Variants in ADGRL3 observed in about 807,000 individuals in gnomAD.
ADGRL3 encodes the protein calcium-independent alpha-latrotoxin receptor 3.
A neutral mutation model predicts 153.5 loss-of-function variants in ADGRL3; 62 were observed. The ratio of observed to expected loss-of-function variants is 0.40; its 90% CI spans 0.33 to 0.50. ADGRL3 has a LOEUF of 0.50. Ranked by LOEUF, ADGRL3 falls within the 20% of genes least tolerant of loss-of-function variation. ADGRL3 has a pLI of 0.47. For synonymous variants in ADGRL3, 710 were observed against 672.5 expected (o/e 1.06, Z -0.86); for missense variants, 1,641 against 1,859.4 (o/e 0.88, Z 2.16).
chr4:62,004,956 T>C (rs1043545668), intron 21 of ADGRL3, among the ~76,000 whole-genome samples: 4 of 151,310 alleles, frequency 2.6e-5, no homozygotes, highest in African/African-American at 9.7e-5. Context: ...CATAACAATA[T>C]CATAAGCAAT....
At chr4:61,419,683 A>T (rs373141217) in intron 2 of ADGRL3, among the ~76,000 whole-genome samples, 4 of 152,252 alleles carry the variant, frequency 2.6e-5, no homozygotes, top group Non-Finnish European at 4.4e-5. Context: ...ATTTGAGGAC[A>T]TGCTGTACGC....
chr4:61,614,076 C>T (rs2149724187), intron 5 of ADGRL3, among the ~76,000 whole-genome samples: 1 of 152,022 alleles, frequency 6.6e-6, no homozygotes, highest in African/African-American at 2.4e-5. Flanking sequence ...AAAGGAAATA[C>T]AATATCTATA....
chr4:61,259,696 G>A (rs945080143), intron 1 of ADGRL3, among the ~76,000 whole-genome samples: 7 of 152,104 alleles, frequency 4.6e-5, no homozygotes, highest in Non-Finnish European at 8.8e-5. Flanking sequence ...AAGGAGGAAA[G>A]CAGGAGTGTT....
chr4:61,913,951 T>C (rs114709469), intron 13 of ADGRL3, among the ~76,000 whole-genome samples: 1,676 of 152,262 alleles, frequency 0.011, 27 homozygotes, highest in African/African-American at 0.038. Context: ...GCTATCCCAT[T>C]TGTAAATTCT....
At chr4:61,930,697 TGG>T (rs1291275077) in intron 13 of ADGRL3, among the ~76,000 whole-genome samples, 1 of 152,168 alleles carries the variant, frequency 6.6e-6, no homozygotes, top group African/African-American at 2.4e-5. Context: ...TAGTAGGATA[TGG>T]TATGTCCATA....
In ADGRL3 at chr4:61,862,021, T is replaced by G. The variant is rs182217176; in HGVS notation, c.1481-30635T>G. ...CTACACAGCCTTTTTTACATAGCTT[T>G]GCAAGTCATATAGCATCACTTTGGG... is the stretch of plus-strand genomic sequence containing the variant. On this transcript the variant is annotated intron_variant, in intron 9 of 26. Coordinates refer to ENST00000683033, the MANE Select transcript of ADGRL3 (RefSeq NM_001387552.1). Among the ~76,000 whole-genome samples the G allele has an allele frequency of 2.6e-5, 4 of 152,302 alleles. No homozygotes were observed. In the East Asian group the frequency reaches 7.7e-4, roughly 30 times the overall value.
intron 6 of ADGRL3, among the ~76,000 whole-genome samples, chr4:61,683,778 C>T (rs2095390241): frequency 6.6e-6 from 1 of 152,096 alleles, no homozygotes; most frequent in Non-Finnish European, 1.5e-5. Context: ...TGGGGTTTCA[C>T]TGGGGACCCA....
chr4:61,452,115 C>CA (rs1025882978), intron 2 of ADGRL3, among the ~76,000 whole-genome samples: 1 of 152,138 alleles, frequency 6.6e-6, no homozygotes, highest in African/African-American at 2.4e-5. Flanking sequence ...AATAACTCTG[C>CA]ATGAATGTCC....
At chr4:61,738,599 C>A (rs925320903) in intron 8 of ADGRL3, among the ~76,000 whole-genome samples, 3 of 152,100 alleles carry the variant, frequency 2.0e-5, no homozygotes, top group African/African-American at 4.8e-5. Context: ...AAGCTTAACT[C>A]CTCAAAGTAT....
chr4:61,369,808 C>T (rs1252421493), intron 1 of ADGRL3, among the ~76,000 whole-genome samples: 1 of 152,016 alleles, frequency 6.6e-6, no homozygotes, highest in Non-Finnish European at 1.5e-5. Context: ...GGAATGGTAC[C>T]AGTTCCTCCT....
chr4:61,345,183 T>C (rs2095876437), intron 1 of ADGRL3, among the ~76,000 whole-genome samples: 1 of 152,096 alleles, frequency 6.6e-6, no homozygotes, highest in Non-Finnish European at 1.5e-5. Flanking sequence ...GCCAATGTTA[T>C]TAGTTATGGA....
intron 6 of ADGRL3, among the ~76,000 whole-genome samples, chr4:61,714,927 A>G (rs1200029334): frequency 1.3e-5 from 2 of 152,206 alleles, no homozygotes; most frequent in African/African-American, 4.8e-5. Flanking sequence ...GCTATGTCAC[A>G]TAGTAATATT....
intron 13 of ADGRL3, among the ~76,000 whole-genome samples, chr4:61,920,993 AAC>A (rs796358416): frequency 2.9e-4 from 44 of 152,216 alleles, no homozygotes; most frequent in African/African-American, 9.6e-4. Context: ...CTTATTTAAT[AAC>A]ACAGTGAAAT....
chr4:61,718,355 A>G (rs955766702), intron 6 of ADGRL3, among the ~76,000 whole-genome samples: 1 of 152,182 alleles, frequency 6.6e-6, no homozygotes, highest in Non-Finnish European at 1.5e-5. Context: ...AATTGAAAAT[A>G]CTTATTGAGT....
At chr4:61,597,803 C>A (rs1236050339) in intron 5 of ADGRL3, among the ~76,000 whole-genome samples, 2 of 151,844 alleles carry the variant, frequency 1.3e-5, no homozygotes, top group African/African-American at 4.8e-5. Flanking sequence ...TTTCTAACTA[C>A]TTAGACACTC....
intron 8 of ADGRL3, among the ~76,000 whole-genome samples, chr4:61,783,312 A>C (rs564143019): frequency 1.3e-5 from 2 of 152,246 alleles, no homozygotes; most frequent in East Asian, 3.9e-4. Flanking sequence ...ATCTGAGCCA[A>C]GTGCCTGGGT....
In ADGRL3 at chr4:61,671,612, C is replaced by T. The variant is rs904591958; in HGVS notation, c.474-5214C>T. ...TACTATGCTCTGAAATTTCTCTTTC[C>T]AATTTCTGTATGCCAATTCAAATTG... On this transcript the variant is annotated intron_variant, in intron 5 of 26. Transcript: ENST00000683033. Among the ~76,000 whole-genome samples, 7 of 152,166 alleles carry T rather than the reference C, an allele frequency of 4.6e-5. No homozygotes were observed. In the East Asian group the frequency reaches 1.2e-3, roughly 25 times the overall value.
chr4:61,638,550 A>G (rs1242071352), intron 5 of ADGRL3, among the ~76,000 whole-genome samples: 1 of 152,204 alleles, frequency 6.6e-6, no homozygotes, highest in Non-Finnish European at 1.5e-5. Flanking sequence ...TCCACTTTTT[A>G]AATTATAGTA....
chr4:61,829,544 G>T (rs1561318606), intron 9 of ADGRL3, among the ~76,000 whole-genome samples: 1 of 152,098 alleles, frequency 6.6e-6, no homozygotes, highest in Non-Finnish European at 1.5e-5. Context: ...ATGAATTTCA[G>T]TTTGATTTTG....
Sources: gnomAD v4.1 joint callset for allele counts (sites outside exome capture counted in the v4.1 genomes callset) on GRCh38, gnomAD v4.1.1 for gene constraint, MANE v1.5 for transcripts, NCBI Gene and HGNC (gene_info 2026-07-23, HGNC 2026-07-21) for gene names.